Variants in CDC25A observed in about 807,000 individuals in gnomAD.
CDC25A encodes M-phase inducer phosphatase 1.
CDC25A carries 17 observed loss-of-function variants against 64.6 expected under a neutral mutation model. That is an observed-to-expected ratio of 0.26 (90% confidence interval 0.18 to 0.39). The LOEUF is 0.39. Among genes scored for constraint, CDC25A ranks in the 10% least tolerant of loss-of-function variants. The pLI is 1.00. For missense variants in CDC25A, 473 were observed against 654.8 expected (o/e 0.72, Z 3.03); for synonymous variants, 229 against 238.6 (o/e 0.96, Z 0.37).
chr3:48,172,063 G>C (rs556021141), intron 9 of CDC25A, among the ~76,000 whole-genome samples: 2 of 152,148 alleles, frequency 1.3e-5, no homozygotes, highest in Non-Finnish European at 2.9e-5. Flanking sequence ...CAGCTGCTAG[G>C]GGGGCTGAGG....
rs2305943 is a variant in CDC25A at position 48,186,819 on chromosome 3, T to C, written c.171-40A>G. 2.4e-4 allele frequency: 332 copies of C among 1,364,738 alleles called. 1 individual carries two copies. The East Asian group carries it at 7.8e-3, about 32-fold the overall frequency. 84.5% of individuals were successfully genotyped at this position (1,364,738 alleles called of 1,614,324 possible). A position where few individuals can be genotyped will look rare whatever the true frequency, so the allele number is the denominator to read the frequency against. On this transcript the variant is annotated intron_variant, in intron 1 of 14. Transcript: ENST00000302506. Reference sequence around the variant, plus strand: ...AATAAACCATGAATGATTTATAGGATATAATTAAAAGGTCACATGCAGGAG... The same window carrying C: ...AATAAACCATGAATGATTTATAGGACATAATTAAAAGGTCACATGCAGGAG...
chr3:48,174,382 G>C lies in CDC25A; in HGVS notation c.832C>G (p.Arg278Gly). 1 of 1,614,108 alleles carries C rather than the reference G, an allele frequency of 6.2e-7. No individual in the cohort carries two copies. Among genetic ancestry groups the C allele is most frequent in the Non-Finnish European group, 8.5e-7 (1 of 1,179,982 alleles). Reference sequence around the variant, plus strand: ...CCAGGTGGAGACTCCTCTTGAGATCGTTCTGGTCTCTTCAACACTGACCGA... The same window carrying C: ...CCAGGTGGAGACTCCTCTTGAGATCCTTCTGGTCTCTTCAACACTGACCGA... The part of the protein sequence containing the change: ...STRSVLKRPE[R>G]SQEESPPGST... Residue 278 changes from arginine to glycine, a missense_variant, in exon 9 of 15, where the codon CGA becomes GGA. Physicochemically the swap from Arg to Gly is moderately radical, Grantham distance 125. This residue lies in a region of CDC25A where 376 missense variants were observed against 431.9 expected (regional missense o/e 0.87). Transcript: ENST00000302506.
At chr3:48,180,628 G>C in intron 6 of CDC25A, 93 bp downstream of exon 6, 1 of 1,317,246 alleles carries the variant, frequency 7.6e-7, no homozygotes, top group South Asian at 1.4e-5. Flanking sequence ...AAAACAGCTA[G>C]TGCTACTGTA....
rs766820157 is a variant in CDC25A, at chr3:48,184,646, T to C, written c.290+7A>G. The C allele has an allele frequency of 3.2e-6, 5 of 1,581,582 alleles. No individual in the cohort carries two copies. In the South Asian group the frequency reaches 5.8e-5, roughly 18 times the overall value. ...CATATAAACATTTGAAAGCAGTGAA[T>C]ACATACTTTTCTTTACTGTCCAATG... On this transcript the variant is annotated splice_region_variant and intron_variant, in intron 3 of 14. Transcript: ENST00000302506.
rs1263045094 is a variant in CDC25A at position 48,158,487 on chromosome 3, TAA to T, written c.*456_*457del. 6.6e-6 allele frequency: 1 copy of T among 152,538 alleles called. No individual in the cohort carries two copies. 9.4% of individuals were successfully genotyped at this position (152,538 alleles called of 1,614,324 possible). A position where few individuals can be genotyped will look rare whatever the true frequency, so the allele number is the denominator to read the frequency against. On this transcript the variant is annotated 3_prime_UTR_variant, in exon 15 of 15. Transcript: ENST00000302506. Reference sequence around the variant, plus strand: ...CCAGGAGTTAGAAAAAAAAATAAAATAAAGTGATTGATGAAGTTGAATAAATT... The same window carrying T: ...CCAGGAGTTAGAAAAAAAAATAAAATAGTGATTGATGAAGTTGAATAAATT...
chr3:48,187,485 G>A (rs1282539454), intron 1 of CDC25A, among the ~76,000 whole-genome samples: 1 of 152,252 alleles, frequency 6.6e-6, no homozygotes, highest in Non-Finnish European at 1.5e-5. Context: ...AGAGCTTCCA[G>A]GGATAGAGAT....
Position 48,168,154 on chromosome 3 carries a change from T to G in CDC25A, c.931-210A>C, listed in dbSNP as rs572749265. On this transcript the variant is annotated intron_variant, in intron 9 of 14. Coordinates refer to ENST00000302506, the MANE Select transcript of CDC25A (RefSeq NM_001789.3). ...TTATTCCAGTGTCTAACCGAATTGCTCTGAAACTAAGTTTTCCTTCCTTCC... is the reference window on the plus strand; with the variant it reads ...TTATTCCAGTGTCTAACCGAATTGCGCTGAAACTAAGTTTTCCTTCCTTCC... Among the ~76,000 whole-genome samples, 121 of 147,934 alleles carry G rather than the reference T, an allele frequency of 8.2e-4. 1 individual carries two copies. In the Middle Eastern group the frequency reaches 0.01, roughly 13 times the overall value.
rs1020634056 is a variant in CDC25A at position 48,180,583 on chromosome 3, T to C, written c.549+138A>G. On this transcript the variant is annotated intron_variant, in intron 6 of 14. Coordinates refer to ENST00000302506, the MANE Select transcript of CDC25A (RefSeq NM_001789.3). ...GACACAGCAAAACCACCAAGAATGCTTGACAGTCTAATTTCAAAAGACAAA... is the reference window on the plus strand; with the variant it reads ...GACACAGCAAAACCACCAAGAATGCCTGACAGTCTAATTTCAAAAGACAAA... 5 of 866,030 alleles carry C rather than the reference T, an allele frequency of 5.8e-6. 1 individual carries two copies. The highest frequency in any genetic ancestry group is 2.5e-5 in the East Asian group (1 of 40,354). The allele number at this position is 866,030 out of a possible 1,614,324, so 53.6% of individuals were successfully genotyped here.
chr3:48,182,053 G>C (rs1457115320), intron 5 of CDC25A, among the ~76,000 whole-genome samples: 2 of 152,192 alleles, frequency 1.3e-5, no homozygotes, highest in African/African-American at 4.8e-5. Context: ...AAGCAACCCT[G>C]AGAAGCTATT....
intron 8 of CDC25A, among the ~76,000 whole-genome samples, chr3:48,175,930 G>A (rs1362336206): frequency 6.6e-6 from 1 of 152,202 alleles, no homozygotes; most frequent in Non-Finnish European, 1.5e-5. Flanking sequence ...ACTTTGGGAG[G>A]CAGGTGGATG....
chr3:48,183,774 T>A (rs752309591), intron 4 of CDC25A, 26 bp downstream of exon 4: 1 of 1,501,534 alleles, frequency 6.7e-7, no homozygotes, highest in Non-Finnish European at 9.3e-7. Context: ...AGGTATTAGC[T>A]CAAAATAAAC....
chr3:48,159,125 C>T lies in CDC25A; in HGVS notation c.1435-40G>A, dbSNP rs773032070. 5.0e-6 allele frequency: 8 copies of T among 1,604,186 alleles called. No homozygotes were observed. In the South Asian group the frequency reaches 8.9e-5, roughly 18 times the overall value. On this transcript the variant is annotated intron_variant, in intron 14 of 14. Transcript: ENST00000302506. ...GAGAATAAGGTTAGGGTACACCTGC[C>T]TCACACCCACAACCTGGTTTCCTCT...
chr3:48,181,810 G>GTAATGGC, intron 5 of CDC25A: 1 of 619,182 alleles, frequency 1.6e-6, no homozygotes. Context: ...AAAAAAAGCA[G>GTAATGGC]TAATGGCTAA....
chr3:48,164,979 G>A lies in CDC25A; in HGVS notation c.1192-542C>T, dbSNP rs182819430. On this transcript the variant is annotated intron_variant, in intron 12 of 14. Transcript: ENST00000302506. ...AAAAAAATTAGCCGGGCGTGGCAGC[G>A]TGCACCTGTAGTCCCAGCTACTTGG... Among the ~76,000 whole-genome samples the A allele has an allele frequency of 5.4e-4, 81 of 150,970 alleles. No homozygotes were observed. The South Asian group carries it at 5.9e-3, about 11-fold the overall frequency.
In CDC25A at chr3:48,185,202, A is replaced by G. The variant is rs1421464154; in HGVS notation, c.248-507T>C. Among the ~76,000 whole-genome samples, 4 of 152,080 alleles carry G rather than the reference A, an allele frequency of 2.6e-5. No individual in the cohort carries two copies. The East Asian group carries it at 7.7e-4, about 29-fold the overall frequency. Reference sequence around the variant, plus strand: ...TGAGGCAGGCTGATGGCTTGAGGCCACAAGTTCAAAACAAGCCTGGGGCAA... The same window carrying G: ...TGAGGCAGGCTGATGGCTTGAGGCCGCAAGTTCAAAACAAGCCTGGGGCAA... On this transcript the variant is annotated intron_variant, in intron 2 of 14. Coordinates refer to ENST00000302506, the MANE Select transcript of CDC25A (RefSeq NM_001789.3).
intron 9 of CDC25A, among the ~76,000 whole-genome samples, chr3:48,172,000 A>T (rs3731530): frequency 0.041 from 6,231 of 151,860 alleles, 434 homozygotes; most frequent in African/African-American, 0.14. Context: ...TACAAAAAAT[A>T]AAAAAAAATT....
rs2031566860 is a variant in CDC25A, at chr3:48,157,472, G to C, written c.*1473C>G. 6.6e-6 allele frequency: 1 copy of C among 152,560 alleles called. No homozygotes were observed. The allele number at this position is 152,560 out of a possible 1,614,324, so 9.5% of individuals were successfully genotyped here. On this transcript the variant is annotated 3_prime_UTR_variant, in exon 15 of 15. Transcript: ENST00000302506. ...ACTGATTCCCACCCCAAGAAGTTGAGGTAAGAGGGGAGAGACTGTCTCCTG... is the reference window on the plus strand; with the variant it reads ...ACTGATTCCCACCCCAAGAAGTTGACGTAAGAGGGGAGAGACTGTCTCCTG...
intron 7 of CDC25A, 102 bp from the exon 8 acceptor site, chr3:48,177,544 G>A: frequency 5.7e-6 from 5 of 869,826 alleles, no homozygotes; most frequent in Non-Finnish European, 9.4e-6. Context: ...AGATAGGCCT[G>A]GATAGGAAGT....
At chr3:48,173,391 A>G (rs989339069) in intron 9 of CDC25A, among the ~76,000 whole-genome samples, 1 of 152,212 alleles carries the variant, frequency 6.6e-6, no homozygotes, top group African/African-American at 2.4e-5. Flanking sequence ...ATTTATCCAG[A>G]AATAAGAAAA....
Sources: allele counts gnomAD v4.1 joint callset (sites outside exome capture counted in the v4.1 genomes callset), GRCh38; gene constraint gnomAD v4.1.1; regional missense constraint gnomAD v4.1.1; transcripts MANE v1.5; gene names NCBI Gene and HGNC (gene_info 2026-07-23, HGNC 2026-07-21).